The following EIF4E variants were observed in gnomAD, a reference collection of about 807,000 sequenced individuals.
EIF4E encodes the protein eIF-4F 25 kDa subunit.
For synonymous variants in EIF4E, 71 were observed against 88.5 expected (o/e 0.80, Z 1.11); for missense variants, 113 against 265.6 (o/e 0.43, Z 3.99).
intron 1 of EIF4E, among the ~76,000 whole-genome samples, chr4:98,918,965 T>C (rs1217625198): frequency 1.3e-5 from 2 of 152,170 alleles, no homozygotes; most frequent in African/African-American, 4.8e-5. Context: ...TGCATAAAAC[T>C]TGAGTTTTGA....
intron 2 of EIF4E, among the ~76,000 whole-genome samples, chr4:98,892,238 T>G (rs1350009194): frequency 1.4e-5 from 2 of 145,638 alleles, no homozygotes; most frequent in Non-Finnish European, 3.0e-5. Context: ...CCCAGCTACT[T>G]GGGAGGCTGA....
At position 98,880,714 on chromosome 4, in the gene EIF4E, TA is replaced by T. The variant is rs1041963123; in HGVS notation, c.*313del. 2.9e-4 allele frequency: 53 copies of T among 183,704 alleles called. No individual in the cohort carries two copies. Among genetic ancestry groups the T allele is most frequent in the Admixed American group, 1.2e-4 (2 of 16,884 alleles). The allele number at this position is 183,704 out of a possible 1,614,324, so 11.4% of individuals were successfully genotyped here. A position where few individuals can be genotyped will look rare whatever the true frequency, so the allele number is the denominator to read the frequency against. ...TTGTTTTCTGACTATTGTGGATAGG[TA>T]AAATCTGTATGTAATTAATGGTAAT... On this transcript the variant is annotated 3_prime_UTR_variant, in exon 7 of 7. Transcript: ENST00000450253.
At chr4:98,898,572 C>CA (rs1724517155) in intron 2 of EIF4E, among the ~76,000 whole-genome samples, 1 of 144,174 alleles carries the variant, frequency 6.9e-6, no homozygotes, top group African/African-American at 2.6e-5. Flanking sequence ...GGCGAGACTC[C>CA]GAAAAAAAAA....
intron 3 of EIF4E, among the ~76,000 whole-genome samples, chr4:98,889,440 C>T (rs1434834135): frequency 6.6e-6 from 1 of 152,168 alleles, no homozygotes; most frequent in Non-Finnish European, 1.5e-5. Context: ...TTTGCTGCCT[C>T]CTTTCTCTTC....
At chr4:98,890,373 G>C (rs1371819352) in intron 3 of EIF4E, among the ~76,000 whole-genome samples, 1 of 152,178 alleles carries the variant, frequency 6.6e-6, no homozygotes, top group African/African-American at 2.4e-5. Flanking sequence ...GCTTATTAAA[G>C]AGTTTTGCCT....
At chr4:98,923,466 C>T (rs369178424) in intron 1 of EIF4E, among the ~76,000 whole-genome samples, 2 of 152,010 alleles carry the variant, frequency 1.3e-5, no homozygotes, top group Admixed American at 6.6e-5. Flanking sequence ...GTGTGCACCA[C>T]CATATTCAGC....
At chr4:98,885,436 T>C (rs1723875028) in intron 5 of EIF4E, among the ~76,000 whole-genome samples, 1 of 152,172 alleles carries the variant, frequency 6.6e-6, no homozygotes, top group Non-Finnish European at 1.5e-5. Flanking sequence ...TATTTGTTAA[T>C]GGTCTGGTTT....
chr4:98,925,386 C>G (rs1389314619), intron 1 of EIF4E, among the ~76,000 whole-genome samples: 1 of 152,180 alleles, frequency 6.6e-6, no homozygotes, highest in Non-Finnish European at 1.5e-5. Context: ...GAAACACGAC[C>G]TACTGGAGGT....
At chr4:98,901,335 T>C (rs1217843238) in intron 2 of EIF4E, among the ~76,000 whole-genome samples, 2 of 152,110 alleles carry the variant, frequency 1.3e-5, no homozygotes, top group African/African-American at 4.8e-5. Flanking sequence ...GCAGCTGGGA[T>C]TACAGGCGTC....
intron 1 of EIF4E, among the ~76,000 whole-genome samples, chr4:98,922,927 A>G (rs1345121774): frequency 6.7e-6 from 1 of 149,266 alleles, no homozygotes; most frequent in Non-Finnish European, 1.5e-5. Context: ...GGCTCACCGC[A>G]ACCTCCACCT....
chr4:98,928,039 A>G (rs1204450051), intron 1 of EIF4E, among the ~76,000 whole-genome samples: 1 of 152,234 alleles, frequency 6.6e-6, no homozygotes, highest in Non-Finnish European at 1.5e-5. Context: ...ATAGATAAAG[A>G]GAAAAAAAAA....
At chr4:98,922,840 T>C (rs1206554832) in intron 1 of EIF4E, among the ~76,000 whole-genome samples, 1 of 143,362 alleles carries the variant, frequency 7.0e-6, no homozygotes. Context: ...TTTCCTGTTT[T>C]TTCTTTTTTC....
chr4:98,882,960 C>T (rs1030640350), intron 6 of EIF4E, among the ~76,000 whole-genome samples: 2 of 152,220 alleles, frequency 1.3e-5, no homozygotes, highest in African/African-American at 4.8e-5. Flanking sequence ...AATCCCTATA[C>T]CTTTTGATCC....
At chr4:98,916,704 T>C (rs1725395491) in intron 1 of EIF4E, among the ~76,000 whole-genome samples, 1 of 152,144 alleles carries the variant, frequency 6.6e-6, no homozygotes, top group Non-Finnish European at 1.5e-5. Flanking sequence ...AAGTCCACCA[T>C]GAAACTTGAC....
intron 6 of EIF4E, among the ~76,000 whole-genome samples, chr4:98,882,565 T>A (rs1234290061): frequency 6.6e-6 from 1 of 151,998 alleles, no homozygotes; most frequent in Non-Finnish European, 1.5e-5. Context: ...ATTTACTACC[T>A]TCCCCCTAAA....
chr4:98,913,686 C>T (rs911819433), intron 1 of EIF4E, among the ~76,000 whole-genome samples: 7 of 152,044 alleles, frequency 4.6e-5, no homozygotes, highest in Non-Finnish European at 8.8e-5. Flanking sequence ...ATTTACAAAA[C>T]CAGGTATAGT....
At chr4:98,893,797 T>C (rs1314793629) in intron 2 of EIF4E, among the ~76,000 whole-genome samples, 5 of 152,252 alleles carry the variant, frequency 3.3e-5, no homozygotes, top group Admixed American at 3.3e-4. Flanking sequence ...ATCATGAATG[T>C]TCTTAATGAC....
intron 1 of EIF4E, among the ~76,000 whole-genome samples, chr4:98,905,076 T>C (rs1359020808): frequency 6.6e-6 from 1 of 152,130 alleles, no homozygotes; most frequent in Non-Finnish European, 1.5e-5. Flanking sequence ...AGACACTAAA[T>C]AGTTTTAAGT....
At chr4:98,891,461 T>G (rs984394531) in intron 2 of EIF4E, 129 bp from the exon 3 acceptor site, 1 of 751,770 alleles carries the variant, frequency 1.3e-6, no homozygotes, top group Non-Finnish European at 2.3e-6. Flanking sequence ...AATGTATATA[T>G]ACACACAATG....
Sources: allele counts gnomAD v4.1 joint callset (sites outside exome capture counted in the v4.1 genomes callset), GRCh38; gene constraint gnomAD v4.1.1; transcripts MANE v1.5; gene names NCBI Gene and HGNC (gene_info 2026-07-23, HGNC 2026-07-21).